Variants in PRMT3 observed in about 807,000 individuals in gnomAD.
The protein encoded by PRMT3 is protein arginine methyltransferase 3, also known as protein arginine N-methyltransferase 3.
A neutral mutation model predicts 71.9 loss-of-function variants in PRMT3; 62 were observed. The ratio of observed to expected loss-of-function variants is 0.86; its 90% CI spans 0.70 to 1.07. PRMT3 has a LOEUF of 1.07. Among genes scored for constraint, PRMT3 ranks in the 50% least tolerant of loss-of-function variants. The pLI is 0.00. For synonymous variants in PRMT3, 213 were observed against 220.4 expected, an observed-to-expected ratio of 0.97 and a Z score of 0.30; for missense variants, 663 against 643.0, an observed-to-expected ratio of 1.03 and a Z score of -0.34.
chr11:20,468,426 T>C (rs994373464), intron 13 of PRMT3, among the ~76,000 whole-genome samples: 1 of 152,190 alleles, frequency 6.6e-6, no homozygotes, highest in African/African-American at 2.4e-5. Flanking sequence ...TGGAGTGCAG[T>C]GGCATGATCT....
At chr11:20,421,671 T>C (rs937505596) in intron 9 of PRMT3, among the ~76,000 whole-genome samples, 2 of 152,210 alleles carry the variant, frequency 1.3e-5, no homozygotes, top group Admixed American at 6.5e-5. Flanking sequence ...TTCTCTTTTT[T>C]ACATCATTTT....
intron 13 of PRMT3, among the ~76,000 whole-genome samples, chr11:20,467,481 C>A (rs1319357357): frequency 6.6e-6 from 1 of 152,094 alleles, no homozygotes; most frequent in Non-Finnish European, 1.5e-5. Context: ...CTTAGAGAAA[C>A]CTATGAATAA....
chr11:20,450,274 T>C (rs1166659803), intron 10 of PRMT3, among the ~76,000 whole-genome samples: 1 of 152,132 alleles, frequency 6.6e-6, no homozygotes, highest in Non-Finnish European at 1.5e-5. Context: ...ACCAAATCTA[T>C]TATGTTTTAC....
In PRMT3 at chr11:20,402,987, A is replaced by G. The variant is rs763799131; in HGVS notation, c.771+3A>G. 1 of 1,572,736 alleles carries G rather than the reference A, an allele frequency of 6.4e-7. No individual in the cohort carries two copies. Among genetic ancestry groups the G allele is most frequent in the South Asian group, 1.1e-5 (1 of 90,184 alleles). On this transcript the variant is annotated splice_donor_region_variant and intron_variant, in intron 8 of 15. Transcript: ENST00000331079. The stretch of plus-strand genomic sequence containing the variant: ...ATCCACATATCTTCAAAGACAAGGT[A>G]AGTAGTATAGGTTATAGAATTATAC...
intron 12 of PRMT3, among the ~76,000 whole-genome samples, 170 bp from the exon 13 acceptor site, chr11:20,464,286 TATAA>T (rs1487977514): frequency 3.3e-5 from 5 of 152,168 alleles, no homozygotes; most frequent in South Asian, 2.1e-4. Context: ...TCCTTAAACT[TATAA>T]ATAATTCCAA....
At chr11:20,424,729 T>C (rs1479133770) in intron 9 of PRMT3, among the ~76,000 whole-genome samples, 1 of 152,128 alleles carries the variant, frequency 6.6e-6, no homozygotes, top group Non-Finnish European at 1.5e-5. Context: ...TTTAAAAAAT[T>C]AAGAACCAAG....
chr11:20,405,888 C>T (rs1262331249), intron 8 of PRMT3: 5 of 152,144 alleles, frequency 3.3e-5, no homozygotes, highest in Non-Finnish European at 7.3e-5. Flanking sequence ...TAATGTCATG[C>T]AGCCATCACC....
chr11:20,397,747 A>T (rs369424194), intron 7 of PRMT3, 26 bp downstream of exon 7: 127 of 1,608,588 alleles, frequency 7.9e-5, no homozygotes, highest in Non-Finnish European at 1.0e-4. Flanking sequence ...AAATGCGTCA[A>T]ATCCATACTA....
rs1850167093 is a variant in PRMT3 at position 20,452,219 on chromosome 11, A to C, written c.1072+11A>C. On this transcript the variant is annotated intron_variant, in intron 11 of 15. Transcript: ENST00000331079. ...CAAAAGGAGGCTCGGGTGAGTATAA[A>C]ATTCTGGTTTTAATAATCTAATTTT... 2 of 1,584,310 alleles carry C rather than the reference A, an allele frequency of 1.3e-6. No homozygotes were observed. Among genetic ancestry groups the C allele is most frequent in the Non-Finnish European group, 1.7e-6 (2 of 1,153,852 alleles).
intron 9 of PRMT3, among the ~76,000 whole-genome samples, chr11:20,425,465 C>T (rs1470064232): frequency 6.6e-6 from 1 of 152,172 alleles, no homozygotes; most frequent in Non-Finnish European, 1.5e-5. Flanking sequence ...CAGCTTTATT[C>T]ATTATGGTCC....
chr11:20,457,608 G>C (rs547965701), intron 11 of PRMT3, among the ~76,000 whole-genome samples: 2 of 152,184 alleles, frequency 1.3e-5, no homozygotes, highest in African/African-American at 4.8e-5. Context: ...TTCCCAGTCA[G>C]AGTTACAACT....
intron 10 of PRMT3, among the ~76,000 whole-genome samples, chr11:20,445,683 G>A (rs1158374690): frequency 3.9e-5 from 6 of 152,110 alleles, no homozygotes; most frequent in Middle Eastern, 3.4e-3. Context: ...TTAGAACTCC[G>A]TACCCCAGAG....
chr11:20,418,585 G>A (rs1849359077), intron 9 of PRMT3, among the ~76,000 whole-genome samples: 1 of 152,080 alleles, frequency 6.6e-6, no homozygotes, highest in African/African-American at 2.4e-5. Context: ...CACAGATCTT[G>A]TTTCGGCATA....
intron 8 of PRMT3, chr11:20,406,365 G>C (rs1200360011): frequency 6.6e-6 from 1 of 152,228 alleles, no homozygotes; most frequent in Non-Finnish European, 1.5e-5. Flanking sequence ...TGACTCCCTG[G>C]ATGGGGAACC....
intron 13 of PRMT3, among the ~76,000 whole-genome samples, chr11:20,478,621 T>C (rs1850854182): frequency 6.6e-6 from 1 of 152,146 alleles, no homozygotes; most frequent in Admixed American, 6.6e-5. Flanking sequence ...AACAAGTCTT[T>C]CAGTTACTGA....
chr11:20,428,379 T>C (rs1346965512), intron 10 of PRMT3, among the ~76,000 whole-genome samples: 2 of 152,172 alleles, frequency 1.3e-5, no homozygotes, highest in African/African-American at 4.8e-5. Flanking sequence ...AAAGAAAGAC[T>C]TGTCCAAACT....
chr11:20,462,856 A>T (rs562534266), intron 12 of PRMT3, among the ~76,000 whole-genome samples: 85 of 151,394 alleles, frequency 5.6e-4, no homozygotes, highest in African/African-American at 1.9e-3. Context: ...TAGGTTCAGG[A>T]TATTGTCTTT....
At chr11:20,492,816 T>A (rs962256950) in intron 13 of PRMT3, among the ~76,000 whole-genome samples, 5 of 152,200 alleles carry the variant, frequency 3.3e-5, no homozygotes, top group Non-Finnish European at 5.9e-5. Flanking sequence ...CCTAGCACTT[T>A]GGGAAGCCGA....
In PRMT3 at chr11:20,508,409, A is replaced by G; in HGVS notation, c.1592A>G (p.Gln531Arg). The G allele has an allele frequency of 6.3e-7, 1 of 1,593,728 alleles. No homozygotes were observed. Among genetic ancestry groups the G allele is most frequent in the East Asian group, 2.2e-5 (1 of 44,748 alleles). Residue 531 changes from glutamine to arginine, a missense_variant, in exon 16 of 16, where the codon CAG becomes CGG. Physicochemically the swap from Gln to Arg is conservative, Grantham distance 43. Coordinates refer to ENST00000331079, the MANE Select transcript of PRMT3 (RefSeq NM_005788.4). ...AATTCAACTCAAACTTATGGTCTCC[A>G]GTGAAACAGCCATAAAAGCACACTA... ...LNNSTQTYGL[Q>R]
Sources: allele counts gnomAD v4.1 joint callset (sites outside exome capture counted in the v4.1 genomes callset), GRCh38; gene constraint gnomAD v4.1.1; transcripts MANE v1.5; gene names NCBI Gene and HGNC (gene_info 2026-07-23, HGNC 2026-07-21).